Variants in SSR4 observed in about 807,000 individuals in gnomAD.
SSR4 encodes the protein translocon-associated protein subunit delta.
For synonymous variants in SSR4, 84 were observed against 65.6 expected (o/e 1.28, Z -1.35); for missense variants, 125 against 148.8 (o/e 0.84, Z 0.83).
In SSR4 at chrX:153,795,581, C is replaced by T. The variant is rs1395610681; in HGVS notation, c.67+827C>T. ...ACCCTTCGGGGGCTCCCCTGCGCCA[C>T]AGGAAGCAGGCCCAACTTAGGCAGG... On this transcript the variant is annotated intron_variant, in intron 1 of 5. Coordinates refer to ENST00000370086, the MANE Select transcript of SSR4 (RefSeq NM_006280.3). 28 of 660,948 alleles carry T rather than the reference C, an allele frequency of 4.2e-5. No individual in the cohort carries two copies. The Middle Eastern group carries it at 2.7e-3, about 63-fold the overall frequency. The allele number at this position is 660,948 out of a possible 1,213,427, so 54.5% of individuals were successfully genotyped here.
chrX:153,797,641 C>T (rs782323326), intron 3 of SSR4, 84 bp from the exon 4 acceptor site: 15 of 1,112,528 alleles, frequency 1.3e-5, no homozygotes, highest in African/African-American at 9.0e-5. Context: ...CTCTGGCTGC[C>T]GGAGTGCTGC....
upstream of SSR4, chrX:153,794,208 G>A: frequency 8.7e-7 from 1 of 1,152,210 alleles, no homozygotes; most frequent in East Asian, 3.2e-5. Context: ...GCTCCCCTGC[G>A]ACCGCTGCCG....
intron 1 of SSR4, 41 bp downstream of exon 1, chrX:153,794,795 C>A (rs781941547): frequency 5.0e-6 from 6 of 1,193,941 alleles, no homozygotes; most frequent in Non-Finnish European, 3.4e-6. Context: ...GAGCCTCTGA[C>A]CCACGGCAGG....
chrX:153,795,050 G>A (rs2092131205), intron 1 of SSR4: 1 of 363,396 alleles, frequency 2.8e-6, no homozygotes, highest in African/African-American at 2.6e-5. Context: ...CGCTCCCTGC[G>A]GGGTCGGACC....
At chrX:153,796,292 T>C in intron 1 of SSR4, 142 bp from the exon 2 acceptor site, 1 of 464,879 alleles carries the variant, frequency 2.2e-6, no homozygotes, top group Admixed American at 3.5e-5. Flanking sequence ...TGGATCTGTC[T>C]CGCATATCCC....
At chrX:153,794,349 A>C (rs781864444), upstream of SSR4, 2 of 1,182,390 alleles carry the variant, frequency 1.7e-6, no homozygotes, top group Non-Finnish European at 2.3e-6. Context: ...GAGCCTCCGC[A>C]CGTCCCGACA....
intron 1 of SSR4, chrX:153,796,075 G>A (rs1339366609): frequency 1.1e-5 from 2 of 188,797 alleles, no homozygotes; most frequent in African/African-American, 6.0e-5. Flanking sequence ...CGTCCAGGCC[G>A]TTTGTGGCTC....
Position 153,796,502 on chromosome X carries a change from G to A in SSR4, c.136G>A (p.Glu46Lys). ...CACTTCTGACGCTGTCATTTCCACT[G>A]AGACCGTCTTCATTGTGGAGATCTC... ...YTTSDAVIST[E>K]TVFIVEISLT... is the part of the protein sequence containing the mutation. The change falls in exon 2 of 6, where the codon GAG becomes AAG. Residue 46 changes from glutamate (E) to lysine (K), a missense_variant. Coordinates refer to ENST00000370086, the MANE Select transcript of SSR4 (RefSeq NM_006280.3). 1 of 1,211,392 alleles carries A rather than the reference G, an allele frequency of 8.3e-7. No individual in the cohort carries two copies. Among genetic ancestry groups the A allele is most frequent in the Non-Finnish European group, 1.1e-6 (1 of 895,003 alleles).
intron 1 of SSR4, chrX:153,795,984 C>G (rs1380749693): frequency 2.7e-6 from 1 of 376,036 alleles, no homozygotes; most frequent in Non-Finnish European, 3.4e-6. Flanking sequence ...GAGACCCTTT[C>G]TCTCATCTTG....
At position 153,797,550 on chromosome X, in the gene SSR4, C is replaced by T. The variant is rs376310720; in HGVS notation, c.261+18C>T. 3.3e-6 allele frequency: 4 copies of T among 1,200,727 alleles called. No homozygotes were observed. Among genetic ancestry groups the T allele is most frequent in the African/African-American group, 3.5e-5 (2 of 57,697 alleles). On this transcript the variant is annotated intron_variant, in intron 3 of 5. Transcript: ENST00000370086. ...GTTATCAGGTGAGGGGCCAATGGTT[C>T]CCTTGCTAGGGGGCTCCCTGCTCCC...
chrX:153,796,618 G>A (rs2092143316), intron 2 of SSR4, 66 bp downstream of exon 2: 8 of 813,425 alleles, frequency 9.8e-6, no homozygotes, highest in Middle Eastern at 2.9e-4. Context: ...GTTGATGGGG[G>A]ACCTGTGTCG....
chrX:153,795,200 T>G (rs2092132274), intron 1 of SSR4: 1 of 139,203 alleles, frequency 7.2e-6, no homozygotes, highest in Admixed American at 7.8e-5. Context: ...CGCAGGGCCT[T>G]GAGTGCCAGG....
chrX:153,794,488 C>G, upstream of SSR4: 1 of 1,153,729 alleles, frequency 8.7e-7, no homozygotes, highest in Non-Finnish European at 1.2e-6. Context: ...ACCGCTGCCG[C>G]CATGTTGAGG....
At chrX:153,795,912 C>A in intron 1 of SSR4, 1 of 700,597 alleles carries the variant, frequency 1.4e-6, no homozygotes, top group Non-Finnish European at 1.7e-6. Flanking sequence ...AGAGTCTCTC[C>A]CGTTTACTTC....
At chrX:153,794,571 C>T (rs782786164), upstream of SSR4, 3 of 1,178,771 alleles carry the variant, frequency 2.5e-6, no homozygotes, top group Non-Finnish European at 3.4e-6. Context: ...GTCACAATGC[C>T]GGCCCAGCCG....
intron 1 of SSR4, chrX:153,796,022 GC>G (rs1189822080): frequency 3.9e-5 from 8 of 203,263 alleles, no homozygotes; most frequent in Non-Finnish European, 6.2e-5. Flanking sequence ...CCTGCCTGCA[GC>G]CCCCACCCCC....
At chrX:153,795,853 T>C in intron 1 of SSR4, 1 of 754,255 alleles carries the variant, frequency 1.3e-6, no homozygotes, top group Non-Finnish European at 1.6e-6. Context: ...TGGAGAAGGC[T>C]AAGGCAAGGT....
Position 153,798,057 on chromosome X carries a change from C to G in SSR4, c.352-14C>G. ...ACCCCTGACCCCAGCACCTCCCTTGCACCTCCCTTGCAGGCTCAGAGGAAT... is the reference window on the plus strand; with the variant it reads ...ACCCCTGACCCCAGCACCTCCCTTGGACCTCCCTTGCAGGCTCAGAGGAAT... On this transcript the variant is annotated splice_polypyrimidine_tract_variant and intron_variant, in intron 4 of 5. Coordinates refer to ENST00000370086, the MANE Select transcript of SSR4 (RefSeq NM_006280.3). 8.8e-7 allele frequency: 1 copy of G among 1,134,844 alleles called. No individual in the cohort carries two copies. Among genetic ancestry groups the G allele is most frequent in the Non-Finnish European group, 1.2e-6 (1 of 849,107 alleles). 93.5% of individuals were successfully genotyped at this position (1,134,844 alleles called of 1,213,427 possible). A position where few individuals can be genotyped will look rare whatever the true frequency, so the allele number is the denominator to read the frequency against.
intron 1 of SSR4, chrX:153,795,340 G>A (rs113307733): frequency 8.8e-6 from 1 of 113,130 alleles, no homozygotes; most frequent in African/African-American, 3.2e-5. Flanking sequence ...TTTAGGAGGT[G>A]GCTGCAGCAG....
Sources: allele counts gnomAD v4.1 joint callset, GRCh38; gene constraint gnomAD v4.1.1; transcripts MANE v1.5; gene names NCBI Gene and HGNC (gene_info 2026-07-23, HGNC 2026-07-21).